The following SCN11A variants were observed in gnomAD, a reference collection of about 807,000 sequenced individuals.
SCN11A encodes sodium channel protein type 11 subunit alpha.
SCN11A carries 122 observed loss-of-function variants against 162.2 expected under a neutral mutation model. That is an observed-to-expected ratio of 0.75 (90% confidence interval 0.65 to 0.87). The LOEUF (loss-of-function observed/expected upper bound fraction) is 0.87. Ranked by LOEUF, SCN11A falls within the 40% of genes least tolerant of loss-of-function variation. The probability of loss-of-function intolerance (pLI) is 0.00; values close to 1 mark genes in which losing one functional copy is unlikely to be tolerated. For synonymous variants in SCN11A, 758 were observed against 751.5 expected (o/e 1.01, Z -0.14); for missense variants, 2,015 against 2,181.6 (o/e 0.92, Z 1.52).
chr3:38,867,499 G>A, intron 26 of SCN11A, 41 bp from the exon 27 acceptor site: 2 of 1,512,502 alleles, frequency 1.3e-6, no homozygotes, highest in South Asian at 2.4e-5. Context: ...AACAATTACT[G>A]GAGAAAAATA....
At chr3:38,893,381 T>C (rs1559512545) in intron 19 of SCN11A, among the ~76,000 whole-genome samples, 1 of 152,120 alleles carries the variant, frequency 6.6e-6, no homozygotes, top group Admixed American at 6.5e-5. Context: ...AAAATTGACA[T>C]AACTGTTGGA....
intron 7 of SCN11A, among the ~76,000 whole-genome samples, chr3:38,931,260 G>A (rs191042778): frequency 1.3e-5 from 2 of 152,286 alleles, no homozygotes; most frequent in African/African-American, 4.8e-5. Flanking sequence ...CCTTAACCAG[G>A]TTCCAGGTTC....
At chr3:38,868,487 C>G (rs565069059) in intron 26 of SCN11A, among the ~76,000 whole-genome samples, 1 of 152,284 alleles carries the variant, frequency 6.6e-6, no homozygotes, top group Admixed American at 6.5e-5. Flanking sequence ...TAGGTTACTG[C>G]TTTGAGATAT....
intron 28 of SCN11A, among the ~76,000 whole-genome samples, chr3:38,854,193 C>T (rs1042236306): frequency 6.6e-6 from 1 of 152,084 alleles, no homozygotes; most frequent in Non-Finnish European, 1.5e-5. Context: ...GGAATACAGG[C>T]ATGTTTATTT....
chr3:39,037,908 C>G (rs1185519448), intron 1 of SCN11A, among the ~76,000 whole-genome samples: 1 of 152,122 alleles, frequency 6.6e-6, no homozygotes, highest in Admixed American at 6.5e-5. Flanking sequence ...GGTGTCAAGG[C>G]TTCTTACATT....
chr3:38,990,588 G>A (rs2030420937), intron 2 of SCN11A, among the ~76,000 whole-genome samples: 1 of 152,178 alleles, frequency 6.6e-6, no homozygotes, highest in African/African-American at 2.4e-5. Flanking sequence ...TACTAGGAAG[G>A]AAACAAGTGC....
At chr3:38,987,686 A>T (rs2030306521) in intron 2 of SCN11A, among the ~76,000 whole-genome samples, 1 of 152,186 alleles carries the variant, frequency 6.6e-6, no homozygotes, top group African/African-American at 2.4e-5. Flanking sequence ...CTAGTTGATC[A>T]AATTTGATGA....
At chr3:38,941,816 A>G (rs2066447020) in intron 7 of SCN11A, among the ~76,000 whole-genome samples, 1 of 152,096 alleles carries the variant, frequency 6.6e-6, no homozygotes, top group South Asian at 2.1e-4. Flanking sequence ...AAAAGAGATA[A>G]ATAGAAAACC....
chr3:38,947,490 G>A (rs190493193), intron 5 of SCN11A, among the ~76,000 whole-genome samples: 223 of 152,324 alleles, frequency 1.5e-3, no homozygotes, highest in African/African-American at 5.1e-3. Context: ...TGCCCCTACA[G>A]AAGGCATTTG....
chr3:38,915,124 C>T (rs2065941645), intron 11 of SCN11A, among the ~76,000 whole-genome samples: 1 of 151,876 alleles, frequency 6.6e-6, no homozygotes, highest in Admixed American at 6.6e-5. Flanking sequence ...GGTTGGTAGG[C>T]TATTTATTAT....
chr3:39,005,486 C>G (rs1313714839), intron 2 of SCN11A, among the ~76,000 whole-genome samples: 1 of 152,198 alleles, frequency 6.6e-6, no homozygotes, highest in East Asian at 1.9e-4. Context: ...TAATGAGCCC[C>G]ATTCTAGTCT....
At position 38,946,727 on chromosome 3, in the gene SCN11A, C is replaced by T. The variant is rs2066521907; in HGVS notation, c.386+62G>A. ...TTGCTTCCATCCAATAACATGAACA[C>T]CGTGGGGCACGTGCACTTTTCAAAT... On this transcript the variant is annotated intron_variant, in intron 6 of 29. Transcript: ENST00000302328. 3 of 1,068,034 alleles carry T rather than the reference C, an allele frequency of 2.8e-6. No individual in the cohort carries two copies. The Admixed American group carries it at 6.1e-5, about 22-fold the overall frequency. The allele number at this position is 1,068,034 out of a possible 1,614,324, so 66.2% of individuals were successfully genotyped here.
intron 14 of SCN11A, among the ~76,000 whole-genome samples, chr3:38,907,355 T>TACAC (rs754872568): frequency 0.028 from 693 of 24,854 alleles, 4 homozygotes; most frequent in Non-Finnish European, 0.073. Flanking sequence ...TATATCTATA[T>TACAC]ATACACACAC....
At chr3:39,010,378 C>CTTTTT (rs201494677) in intron 2 of SCN11A, among the ~76,000 whole-genome samples, 2 of 120,750 alleles carry the variant, frequency 1.7e-5, no homozygotes. Flanking sequence ...TTTAGTTTTT[C>CTTTTT]TTTTTTCTTT....
intron 2 of SCN11A, among the ~76,000 whole-genome samples, chr3:39,006,495 T>C (rs921529452): frequency 4.3e-4 from 66 of 151,886 alleles, no homozygotes; most frequent in African/African-American, 1.5e-3. Context: ...TCAACAGACA[T>C]CTGGGAGCTT....
At chr3:38,936,653 C>G (rs1464854629) in intron 7 of SCN11A, among the ~76,000 whole-genome samples, 1 of 151,720 alleles carries the variant, frequency 6.6e-6, no homozygotes, top group Non-Finnish European at 1.5e-5. Flanking sequence ...ACCTAGGAAT[C>G]CAACTTACAA....
chr3:38,887,398 A>AC (rs2065419130), intron 19 of SCN11A, among the ~76,000 whole-genome samples: 1 of 134,676 alleles, frequency 7.4e-6, no homozygotes, highest in Non-Finnish European at 1.5e-5. Flanking sequence ...TGCATCTCAA[A>AC]CCCTTTCTTT....
At chr3:38,975,272 A>C (rs755230661) in intron 2 of SCN11A, among the ~76,000 whole-genome samples, 20 of 152,166 alleles carry the variant, frequency 1.3e-4, no homozygotes, top group Non-Finnish European at 2.8e-4. Flanking sequence ...AGTCTGAGAC[A>C]CATGAAGGGA....
intron 26 of SCN11A, among the ~76,000 whole-genome samples, 153 bp from the exon 27 acceptor site, chr3:38,867,611 G>A (rs925819466): frequency 3.3e-5 from 5 of 152,202 alleles, no homozygotes; most frequent in Admixed American, 2.0e-4. Flanking sequence ...TTGGGAGCCT[G>A]TCTTTCAGTT....
Sources: allele counts gnomAD v4.1 joint callset (sites outside exome capture counted in the v4.1 genomes callset), GRCh38; gene constraint gnomAD v4.1.1; transcripts MANE v1.5; gene names NCBI Gene and HGNC (gene_info 2026-07-23, HGNC 2026-07-21).